NRXN1: variants seen among roughly 807,000 people sequenced by gnomAD.
The protein encoded by NRXN1 is neurexin 1.
A neutral mutation model predicts 150.9 loss-of-function variants in NRXN1; 39 were observed. That is an observed-to-expected ratio of 0.26 (90% CI 0.20 to 0.34). The LOEUF is 0.34. Ranked by LOEUF, NRXN1 falls within the 10% of genes least tolerant of loss-of-function variation. The pLI is 1.00. For synonymous variants in NRXN1, 924 were observed against 757.0 expected, an observed-to-expected ratio of 1.22 and a Z score of -3.62; for missense variants, 1,815 against 1,949.9, an observed-to-expected ratio of 0.93 and a Z score of 1.30.
At chr2:50,691,630 G>A (rs1294432003) in intron 5 of NRXN1, among the ~76,000 whole-genome samples, 1 of 152,140 alleles carries the variant, frequency 6.6e-6, no homozygotes, top group Non-Finnish European at 1.5e-5. Context: ...GCAGAACAAT[G>A]CTGCATTATA....
At chr2:50,115,269 A>T (rs1028196370) in intron 18 of NRXN1, among the ~76,000 whole-genome samples, 1 of 148,970 alleles carries the variant, frequency 6.7e-6, no homozygotes, top group Non-Finnish European at 1.5e-5. Context: ...ATAATAATAC[A>T]TATTTTATAT....
At chr2:50,381,944 T>A (rs2081001122) in intron 17 of NRXN1, among the ~76,000 whole-genome samples, 1 of 152,116 alleles carries the variant, frequency 6.6e-6, no homozygotes, top group Non-Finnish European at 1.5e-5. Context: ...TAGAATCCTA[T>A]GAATTCCAGA....
At chr2:50,160,576 C>A (rs1224656717) in intron 18 of NRXN1, among the ~76,000 whole-genome samples, 3 of 151,694 alleles carry the variant, frequency 2.0e-5, no homozygotes, top group African/African-American at 7.3e-5. Flanking sequence ...ACAAAAATGA[C>A]AGGTCAGTAA....
chr2:50,911,359 A>T (rs978367101), intron 5 of NRXN1, among the ~76,000 whole-genome samples: 1 of 150,218 alleles, frequency 6.7e-6, no homozygotes, highest in African/African-American at 2.5e-5. Context: ...TATTCACACT[A>T]ATCTTTCAAC....
intron 2 of NRXN1, among the ~76,000 whole-genome samples, chr2:50,945,016 T>C (rs7579976): frequency 0.55 from 82,972 of 151,986 alleles, 23,479 homozygotes; most frequent in Non-Finnish European, 0.64. Flanking sequence ...CATTCTAACA[T>C]CTACAAAGAG....
intron 18 of NRXN1, among the ~76,000 whole-genome samples, chr2:50,137,329 G>A (rs1399345273): frequency 2.0e-5 from 3 of 152,160 alleles, no homozygotes; most frequent in Non-Finnish European, 4.4e-5. Flanking sequence ...GTGAGCATCT[G>A]TAAACATGCT....
intron 12 of NRXN1, among the ~76,000 whole-genome samples, chr2:50,511,164 G>C (rs1403301841): frequency 6.6e-6 from 1 of 151,898 alleles, no homozygotes; most frequent in Non-Finnish European, 1.5e-5. Context: ...AGGTTCAAGT[G>C]ACTCTCCTGC....
chr2:50,449,357 T>A (rs2086751971), intron 17 of NRXN1, among the ~76,000 whole-genome samples: 1 of 152,234 alleles, frequency 6.6e-6, no homozygotes, highest in South Asian at 2.1e-4. Context: ...ATTATTTCTT[T>A]CTGAATTTTT....
At chr2:50,934,014 A>C (rs1688160525) in intron 2 of NRXN1, among the ~76,000 whole-genome samples, 2 of 152,136 alleles carry the variant, frequency 1.3e-5, no homozygotes, top group African/African-American at 4.8e-5. Flanking sequence ...AGAAAATTTA[A>C]TTTTAAAAAT....
intron 21 of NRXN1, among the ~76,000 whole-genome samples, chr2:49,983,105 A>G (rs1680251072): frequency 6.6e-6 from 1 of 152,174 alleles, no homozygotes; most frequent in Admixed American, 6.5e-5. Flanking sequence ...CTCTAGGAAG[A>G]GTTAGTCATT....
At chr2:50,706,418 A>G (rs898713388) in intron 5 of NRXN1, among the ~76,000 whole-genome samples, 2 of 152,122 alleles carry the variant, frequency 1.3e-5, no homozygotes, top group Non-Finnish European at 2.9e-5. Flanking sequence ...TGGCAGGGAG[A>G]CTGTTACTTT....
intron 17 of NRXN1, among the ~76,000 whole-genome samples, chr2:50,374,992 T>C (rs1404717874): frequency 6.6e-6 from 1 of 152,206 alleles, no homozygotes; most frequent in African/African-American, 2.4e-5. Context: ...TCAAAAGAAA[T>C]AATTTCTTTG....
At chr2:50,754,756 A>G (rs1475545000) in intron 5 of NRXN1, among the ~76,000 whole-genome samples, 1 of 151,906 alleles carries the variant, frequency 6.6e-6, no homozygotes, top group African/African-American at 2.4e-5. Flanking sequence ...AAGCATTACC[A>G]GCTTGTTCTA....
intron 2 of NRXN1, among the ~76,000 whole-genome samples, chr2:50,950,726 T>C (rs570433301): frequency 6.6e-6 from 1 of 152,340 alleles, no homozygotes; most frequent in East Asian, 1.9e-4. Context: ...AACAGCATTT[T>C]GGTAATAATA....
chr2:50,669,777 G>T (rs903179024), intron 5 of NRXN1, among the ~76,000 whole-genome samples: 1 of 150,688 alleles, frequency 6.6e-6, no homozygotes, highest in African/African-American at 2.4e-5. Context: ...TTACAGAAAT[G>T]CATGTTGGCT....
intron 19 of NRXN1, among the ~76,000 whole-genome samples, chr2:50,079,498 G>C (rs1381164308): frequency 1.3e-5 from 2 of 151,866 alleles, no homozygotes; most frequent in East Asian, 3.8e-4. Context: ...CTTTGCTCTA[G>C]GCGAATTTTC....
At chr2:50,713,416 G>A (rs1695453843) in intron 5 of NRXN1, among the ~76,000 whole-genome samples, 1 of 151,996 alleles carries the variant, frequency 6.6e-6, no homozygotes, top group Admixed American at 6.6e-5. Flanking sequence ...TTTACCAGAA[G>A]CCTTTTAACG....
intron 5 of NRXN1, among the ~76,000 whole-genome samples, chr2:50,675,391 C>T (rs758777647): frequency 5.9e-5 from 9 of 152,084 alleles, no homozygotes; most frequent in Non-Finnish European, 1.3e-4. Context: ...AGACAGATTT[C>T]GAGAATGACT....
intron 7 of NRXN1, 61 bp downstream of exon 7, chr2:50,621,165 C>G: frequency 2.1e-6 from 3 of 1,459,826 alleles, no homozygotes; most frequent in Non-Finnish European, 2.8e-6. Context: ...AGAAAACACA[C>G]GGCAAACCCA....
Sources: allele counts gnomAD v4.1 joint callset (sites outside exome capture counted in the v4.1 genomes callset), GRCh38; gene constraint gnomAD v4.1.1; transcripts MANE v1.5; gene names NCBI Gene and HGNC (gene_info 2026-07-23, HGNC 2026-07-21).